The following JAM3 variants were observed in gnomAD, a reference collection of about 807,000 sequenced individuals.
JAM3 encodes the protein junctional adhesion molecule 3.
In JAM3, 31 loss-of-function variants were observed where a neutral mutation model predicts 39.4. The observed-to-expected ratio is 0.79, with a 90% CI of 0.59 to 1.06. The LOEUF (loss-of-function observed/expected upper bound fraction) is 1.06, where lower values mean the gene tolerates loss of function less well. Among genes scored for constraint, JAM3 ranks in the 50% least tolerant of loss-of-function variants. JAM3 has a pLI of 0.00. For missense variants in JAM3, 455 were observed against 391.4 expected (o/e 1.16, Z -1.37); for synonymous variants, 182 against 148.7 (o/e 1.22, Z -1.63).
intron 1 of JAM3, among the ~76,000 whole-genome samples, chr11:134,110,195 G>C (rs1942282892): frequency 6.6e-6 from 1 of 152,104 alleles, no homozygotes; most frequent in African/African-American, 2.4e-5. Flanking sequence ...TCAAAAACAA[G>C]ATTTCCCATC....
At chr11:134,071,289 T>C (rs551225731) in intron 1 of JAM3, among the ~76,000 whole-genome samples, 18 of 152,348 alleles carry the variant, frequency 1.2e-4, no homozygotes, top group African/African-American at 3.6e-4. Flanking sequence ...AACAGAAGTA[T>C]GGAGAGATTC....
intron 1 of JAM3, among the ~76,000 whole-genome samples, chr11:134,112,377 C>T (rs759264665): frequency 3.3e-5 from 5 of 152,022 alleles, no homozygotes; most frequent in Admixed American, 6.6e-5. Context: ...CGTGAGACAC[C>T]GCACCCAGCC....
At chr11:134,103,032 A>G (rs1188719766) in intron 1 of JAM3, among the ~76,000 whole-genome samples, 1 of 152,306 alleles carries the variant, frequency 6.6e-6, no homozygotes, top group East Asian at 1.9e-4. Context: ...ATACTCCTCG[A>G]GAAGAGCAAC....
chr11:134,090,183 T>G (rs1305019017), intron 1 of JAM3, among the ~76,000 whole-genome samples: 3 of 152,260 alleles, frequency 2.0e-5, no homozygotes, highest in Non-Finnish European at 4.4e-5. Flanking sequence ...TTGTTGGAGT[T>G]CATTGTAGAT....
chr11:134,092,586 G>A (rs1941888650), intron 1 of JAM3, among the ~76,000 whole-genome samples: 1 of 145,078 alleles, frequency 6.9e-6, no homozygotes, highest in Non-Finnish European at 1.5e-5. Context: ...ACTTCCTGAG[G>A]GAAGCTTCTC....
chr11:134,097,854 A>T (rs1265070243), intron 1 of JAM3, among the ~76,000 whole-genome samples: 1 of 151,108 alleles, frequency 6.6e-6, no homozygotes, highest in Non-Finnish European at 1.5e-5. Flanking sequence ...ATTTTCTTTT[A>T]TATATATGTA....
At chr11:134,071,451 T>C (rs1941482884) in intron 1 of JAM3, among the ~76,000 whole-genome samples, 1 of 152,226 alleles carries the variant, frequency 6.6e-6, no homozygotes, top group Admixed American at 6.5e-5. Flanking sequence ...TTTTCAACAC[T>C]ATGTGGTTTG....
intron 1 of JAM3, among the ~76,000 whole-genome samples, chr11:134,112,032 C>T (rs1033090280): frequency 1.3e-4 from 20 of 152,128 alleles, no homozygotes; most frequent in Admixed American, 9.2e-4. Flanking sequence ...AAAGAAATAC[C>T]TTCTACTATG....
At chr11:134,116,146 A>T (rs1942428309) in intron 1 of JAM3, among the ~76,000 whole-genome samples, 1 of 152,088 alleles carries the variant, frequency 6.6e-6, no homozygotes, top group South Asian at 2.1e-4. Flanking sequence ...TCCTGGAGGG[A>T]GGAGAATCAG....
chr11:134,087,830 T>C (rs1941769927), intron 1 of JAM3, among the ~76,000 whole-genome samples: 1 of 152,224 alleles, frequency 6.6e-6, no homozygotes, highest in Admixed American at 6.5e-5. Context: ...AGCTTAAAGG[T>C]ATTCTGTAAA....
At chr11:134,130,100 G>GTAGT (rs1202473424) in intron 1 of JAM3, among the ~76,000 whole-genome samples, 1 of 152,166 alleles carries the variant, frequency 6.6e-6, no homozygotes, top group African/African-American at 2.4e-5. Flanking sequence ...AGCACATCGA[G>GTAGT]TAGTTACCTC....
intron 1 of JAM3, among the ~76,000 whole-genome samples, chr11:134,105,214 A>T (rs1389522198): frequency 2.0e-5 from 3 of 152,222 alleles, no homozygotes; most frequent in African/African-American, 7.2e-5. Context: ...CAAATCAATA[A>T]ACATCATCCG....
At chr11:134,124,653 C>G (rs183114615) in intron 1 of JAM3, among the ~76,000 whole-genome samples, 2 of 152,076 alleles carry the variant, frequency 1.3e-5, no homozygotes, top group African/African-American at 2.4e-5. Context: ...AAGTGTAGGT[C>G]GCTTTCCACT....
chr11:134,144,471 T>C, intron 4 of JAM3, 78 bp downstream of exon 4: 1 of 1,535,792 alleles, frequency 6.5e-7, no homozygotes. Flanking sequence ...TCTTTCCTTC[T>C]AGAACTGTAT....
At chr11:134,141,775 C>T (rs1011462011) in intron 3 of JAM3, among the ~76,000 whole-genome samples, 1 of 151,896 alleles carries the variant, frequency 6.6e-6, no homozygotes, top group Non-Finnish European at 1.5e-5. Context: ...CAGAGGGAGG[C>T]AGGCAGGTGG....
chr11:134,144,539 G>C, intron 4 of JAM3, 146 bp downstream of exon 4: 1 of 1,032,554 alleles, frequency 9.7e-7, no homozygotes. Flanking sequence ...GAGACTGCCT[G>C]AGTTGGGGTA....
chr11:134,078,008 GGGT>G (rs1027937542), intron 1 of JAM3, among the ~76,000 whole-genome samples: 5 of 152,084 alleles, frequency 3.3e-5, no homozygotes, highest in Non-Finnish European at 7.4e-5. Flanking sequence ...CCTGTCTCTG[GGGT>G]GACTAGCTGT....
At position 134,144,381 on chromosome 11, in the gene JAM3, T is replaced by C. The variant is rs1244937097; in HGVS notation, c.397T>C (p.Leu133=). 6.2e-7 allele frequency: 1 copy of C among 1,614,132 alleles called. No homozygotes were observed. Among genetic ancestry groups the C allele is most frequent in the Non-Finnish European group, 8.5e-7 (1 of 1,180,018 alleles). ...GGAAATTGATGAGATTGTGATCGAG[T>C]TAACTGTGCAAGGTAGGAGCTCATG... is the stretch of plus-strand genomic sequence containing the variant. ...RKEIDEIVIE[L]TVQVKPVTPV... Residue 133 remains leucine (L), a synonymous_variant, in exon 4 of 9, where the codon TTA becomes CTA. Coordinates refer to ENST00000299106, the MANE Select transcript of JAM3 (RefSeq NM_032801.5).
chr11:134,100,491 CTCCTT>C (rs1942054450), intron 1 of JAM3, among the ~76,000 whole-genome samples: 1 of 152,194 alleles, frequency 6.6e-6, no homozygotes. Flanking sequence ...TAATTAGACT[CTCCTT>C]CTCTTTAAGA....
Sources: gnomAD v4.1 joint callset for allele counts (sites outside exome capture counted in the v4.1 genomes callset) on GRCh38, gnomAD v4.1.1 for gene constraint, MANE v1.5 for transcripts, NCBI Gene and HGNC (gene_info 2026-07-23, HGNC 2026-07-21) for gene names.